The following GPC6 variants were observed in gnomAD, a reference collection of about 807,000 sequenced individuals.
GPC6 encodes glypican-6.
A neutral mutation model predicts 55.2 loss-of-function variants in GPC6; 14 were observed. The ratio of observed to expected loss-of-function variants is 0.25; its 90% CI spans 0.17 to 0.40. The LOEUF (loss-of-function observed/expected upper bound fraction) is 0.40, where lower values mean the gene tolerates loss of function less well. Among genes scored for constraint, GPC6 ranks in the 10% least tolerant of loss-of-function variants. The pLI, the probability that GPC6 is intolerant of heterozygous loss-of-function variation, is 1.00. For synonymous variants in GPC6, 278 were observed against 259.6 expected (o/e 1.07, Z -0.68); for missense variants, 641 against 708.5 (o/e 0.90, Z 1.08).
intron 3 of GPC6, among the ~76,000 whole-genome samples, chr13:93,916,669 A>G (rs1197305305): frequency 2.6e-5 from 4 of 152,132 alleles, no homozygotes; most frequent in Non-Finnish European, 5.9e-5. Context: ...GGTGCCATAA[A>G]ATCAGAAATA....
At chr13:94,228,872 A>C (rs1890637371) in intron 4 of GPC6, among the ~76,000 whole-genome samples, 1 of 151,928 alleles carries the variant, frequency 6.6e-6, no homozygotes, top group African/African-American at 2.4e-5. Flanking sequence ...GTGTGGGAGG[A>C]GTAACCAGGC....
intron 4 of GPC6, among the ~76,000 whole-genome samples, chr13:94,258,480 A>C (rs1891565143): frequency 6.6e-6 from 1 of 152,214 alleles, no homozygotes; most frequent in Admixed American, 6.5e-5. Flanking sequence ...ATCAATTAAA[A>C]CATACACCAA....
chr13:93,990,104 CTG>C (rs1221557025), intron 3 of GPC6, among the ~76,000 whole-genome samples: 3 of 151,742 alleles, frequency 2.0e-5, no homozygotes, highest in Non-Finnish European at 4.4e-5. Context: ...TGCAATGACA[CTG>C]TTATTGACAA....
At chr13:93,506,871 T>C (rs1880738890) in intron 1 of GPC6, among the ~76,000 whole-genome samples, 1 of 119,702 alleles carries the variant, frequency 8.4e-6, no homozygotes, top group Non-Finnish European at 1.7e-5. Flanking sequence ...AAACCCTGTC[T>C]CTACTAAAAA....
chr13:93,782,779 A>G (rs966271308), intron 2 of GPC6, among the ~76,000 whole-genome samples: 5 of 152,164 alleles, frequency 3.3e-5, no homozygotes, highest in African/African-American at 1.2e-4. Flanking sequence ...ATCAAATTAT[A>G]TATATACATA....
chr13:94,083,819 G>A (rs146346347), intron 4 of GPC6, among the ~76,000 whole-genome samples: 2 of 152,316 alleles, frequency 1.3e-5, no homozygotes, highest in African/African-American at 4.8e-5. Context: ...ACTGAGTCCT[G>A]TCCTCTTACT....
intron 2 of GPC6, among the ~76,000 whole-genome samples, chr13:93,610,269 A>G (rs186315986): frequency 2.7e-4 from 41 of 152,328 alleles, no homozygotes; most frequent in Middle Eastern, 3.4e-3. Flanking sequence ...TTTTAAAAGC[A>G]ACTGACTCTC....
At chr13:94,052,481 T>C (rs973629018) in intron 4 of GPC6, among the ~76,000 whole-genome samples, 2 of 152,168 alleles carry the variant, frequency 1.3e-5, no homozygotes, top group Non-Finnish European at 2.9e-5. Flanking sequence ...GGAGTTGATA[T>C]ATTTATGCTA....
In GPC6 at chr13:94,405,660, T is replaced by A. The variant is rs1245546388; in HGVS notation, c.*2443T>A. The A allele has an allele frequency of 2.0e-5, 3 of 152,068 alleles. No individual in the cohort carries two copies. 9.4% of individuals were successfully genotyped at this position (152,068 alleles called of 1,614,324 possible). On this transcript the variant is annotated 3_prime_UTR_variant, in exon 9 of 9. Transcript: ENST00000377047. Reference sequence around the variant, plus strand: ...TGTTCTATACGCACTAAACACACAGTTAATATATAAACGCCTGCTTCATTT... The same window carrying A: ...TGTTCTATACGCACTAAACACACAGATAATATATAAACGCCTGCTTCATTT...
At chr13:93,269,643 A>T (rs1431048295) in intron 1 of GPC6, among the ~76,000 whole-genome samples, 1 of 151,992 alleles carries the variant, frequency 6.6e-6, no homozygotes, top group South Asian at 2.1e-4. Context: ...TATTTGTGGT[A>T]GGCCGGACAC....
intron 2 of GPC6, among the ~76,000 whole-genome samples, chr13:93,681,061 A>G (rs1265622449): frequency 1.3e-5 from 2 of 152,188 alleles, no homozygotes; most frequent in Non-Finnish European, 2.9e-5. Context: ...TTATGTCCAC[A>G]TTACATTTGT....
In GPC6 at chr13:94,370,878, T is replaced by C. The variant is rs573356222; in HGVS notation, c.1153-11536T>C. Reference sequence around the variant, plus strand: ...ACTTTTGAAAGATGAGAAAAAGATATTCTTTTTTATTTCTATTTTGTAATG... The same window carrying C: ...ACTTTTGAAAGATGAGAAAAAGATACTCTTTTTTATTTCTATTTTGTAATG... On this transcript the variant is annotated intron_variant, in intron 6 of 8. Transcript: ENST00000377047. Among the ~76,000 whole-genome samples, 4 of 152,350 alleles carry C rather than the reference T, an allele frequency of 2.6e-5. No individual in the cohort carries two copies. In the East Asian group the frequency reaches 7.7e-4, roughly 29 times the overall value.
chr13:94,101,785 C>G (rs1416694085), intron 4 of GPC6, among the ~76,000 whole-genome samples: 1 of 137,806 alleles, frequency 7.3e-6, no homozygotes, highest in Non-Finnish European at 1.6e-5. Context: ...ATTTGGGAAC[C>G]AAAAAAAAAA....
intron 2 of GPC6, among the ~76,000 whole-genome samples, chr13:93,673,005 C>T (rs1004108358): frequency 3.3e-5 from 5 of 151,874 alleles, no homozygotes; most frequent in Admixed American, 1.3e-4. Context: ...TAATAACATT[C>T]CTAGAAAAGA....
chr13:94,296,763 A>C (rs74992117), intron 5 of GPC6, among the ~76,000 whole-genome samples: 2,308 of 152,308 alleles, frequency 0.015, 31 homozygotes, highest in East Asian at 0.036. Context: ...TCAAACTACC[A>C]ACATAATGTC....
intron 7 of GPC6, among the ~76,000 whole-genome samples, chr13:94,394,633 G>T (rs1320053520): frequency 1.3e-5 from 2 of 152,168 alleles, no homozygotes; most frequent in Non-Finnish European, 2.9e-5. Context: ...CTTTCCGGGG[G>T]TCGCACAATG....
At chr13:93,960,677 T>C (rs1377663437) in intron 3 of GPC6, among the ~76,000 whole-genome samples, 1 of 152,168 alleles carries the variant, frequency 6.6e-6, no homozygotes, top group Non-Finnish European at 1.5e-5. Context: ...CAAGTTTTTT[T>C]CCATCTCATT....
chr13:94,326,908 A>G (rs917672786), intron 6 of GPC6, among the ~76,000 whole-genome samples: 2 of 152,220 alleles, frequency 1.3e-5, no homozygotes, highest in Non-Finnish European at 2.9e-5. Flanking sequence ...CCCTCCTCCT[A>G]TGAGACAATC....
intron 1 of GPC6, among the ~76,000 whole-genome samples, chr13:93,383,431 G>T (rs1253770949): frequency 6.6e-6 from 1 of 152,078 alleles, no homozygotes; most frequent in Non-Finnish European, 1.5e-5. Flanking sequence ...TGCTAAGGCT[G>T]GTCTGGAACT....
Sources: allele counts gnomAD v4.1 joint callset (sites outside exome capture counted in the v4.1 genomes callset), GRCh38; gene constraint gnomAD v4.1.1; transcripts MANE v1.5; gene names NCBI Gene and HGNC (gene_info 2026-07-23, HGNC 2026-07-21).